FLI1: variants seen among roughly 807,000 people sequenced by gnomAD.
FLI1 encodes Friend leukemia integration 1 transcription factor.
FLI1 carries 13 observed loss-of-function variants against 53.1 expected under a neutral mutation model. That is an observed-to-expected ratio of 0.24 (90% CI 0.16 to 0.39). The LOEUF (loss-of-function observed/expected upper bound fraction) is 0.39. Ranked by LOEUF, FLI1 falls within the 10% of genes least tolerant of loss-of-function variation. The pLI, the probability that FLI1 is intolerant of heterozygous loss-of-function variation, is 1.00. For synonymous variants in FLI1, 244 were observed against 236.7 expected (o/e 1.03, Z -0.28); for missense variants, 424 against 600.5 (o/e 0.71, Z 3.07).
intron 2 of FLI1, among the ~76,000 whole-genome samples, chr11:128,763,393 G>A (rs1399654420): frequency 1.3e-5 from 2 of 152,230 alleles, no homozygotes; most frequent in African/African-American, 4.8e-5. Flanking sequence ...GTCGCATGTA[G>A]ACTTCAGCAA....
At chr11:128,781,412 C>G (rs1193030909) in intron 4 of FLI1, among the ~76,000 whole-genome samples, 1 of 152,188 alleles carries the variant, frequency 6.6e-6, no homozygotes, top group African/African-American at 2.4e-5. Context: ...CAAAAGTGGC[C>G]CATGGACAAA....
At chr11:128,700,656 T>C (rs1938288271) in intron 1 of FLI1, among the ~76,000 whole-genome samples, 2 of 152,158 alleles carry the variant, frequency 1.3e-5, no homozygotes, top group Non-Finnish European at 2.9e-5. Context: ...GGTGGATCAC[T>C]TGAGCCCAGG....
intron 4 of FLI1, among the ~76,000 whole-genome samples, chr11:128,774,773 C>G (rs1006212878): frequency 1.3e-5 from 2 of 152,146 alleles, no homozygotes; most frequent in East Asian, 1.9e-4. Flanking sequence ...CATATGACCC[C>G]GGGGCCCTAA....
intron 5 of FLI1, among the ~76,000 whole-genome samples, chr11:128,782,569 G>T (rs1217633818): frequency 1.3e-5 from 2 of 152,102 alleles, no homozygotes; most frequent in Non-Finnish European, 2.9e-5. Context: ...GTGGTGGCAG[G>T]TACCTGTAAT....
intron 2 of FLI1, among the ~76,000 whole-genome samples, chr11:128,766,937 T>C (rs1352903091): frequency 6.6e-6 from 1 of 152,126 alleles, no homozygotes; most frequent in Non-Finnish European, 1.5e-5. Context: ...CTCAGTATAA[T>C]GGCGGCTACA....
intron 1 of FLI1, among the ~76,000 whole-genome samples, chr11:128,707,707 G>A (rs1393470232): frequency 6.6e-6 from 1 of 152,182 alleles, no homozygotes; most frequent in Non-Finnish European, 1.5e-5. Context: ...CAGGGCAGTA[G>A]GACTGGGTTT....
At chr11:128,716,156 G>A (rs907471774) in intron 1 of FLI1, among the ~76,000 whole-genome samples, 2 of 152,230 alleles carry the variant, frequency 1.3e-5, no homozygotes, top group African/African-American at 4.8e-5. Context: ...TTCATACAAT[G>A]CAGCCCATTT....
intron 1 of FLI1, among the ~76,000 whole-genome samples, chr11:128,721,906 T>C (rs1939270438): frequency 6.6e-6 from 1 of 152,180 alleles, no homozygotes; most frequent in Non-Finnish European, 1.5e-5. Context: ...AGGGATCTGC[T>C]TCCCTCCTCT....
chr11:128,734,405 C>T (rs1006579120), intron 1 of FLI1, among the ~76,000 whole-genome samples: 5 of 152,192 alleles, frequency 3.3e-5, no homozygotes, highest in African/African-American at 1.2e-4. Context: ...AAAAGCATGT[C>T]TAAGGTTGGG....
chr11:128,708,554 C>T (rs931192420), intron 1 of FLI1, among the ~76,000 whole-genome samples: 12 of 152,156 alleles, frequency 7.9e-5, no homozygotes, highest in Non-Finnish European at 1.6e-4. Flanking sequence ...TGACATTGGA[C>T]AAGTTACTCT....
At chr11:128,760,093 A>G (rs1253991593) in intron 2 of FLI1, among the ~76,000 whole-genome samples, 3 of 152,172 alleles carry the variant, frequency 2.0e-5, no homozygotes, top group South Asian at 2.1e-4. Flanking sequence ...AGCCCCTCAG[A>G]TGAATCTCTC....
chr11:128,735,782 C>T (rs1939887353), intron 1 of FLI1, among the ~76,000 whole-genome samples: 1 of 152,180 alleles, frequency 6.6e-6, no homozygotes, highest in Non-Finnish European at 1.5e-5. Flanking sequence ...GATGCCAAGT[C>T]TCTTTGCAAA....
chr11:128,783,066 G>A (rs188622542), intron 5 of FLI1, among the ~76,000 whole-genome samples: 3 of 152,314 alleles, frequency 2.0e-5, no homozygotes, highest in East Asian at 1.9e-4. Flanking sequence ...TAATAAGAGT[G>A]TGGCAGGCAC....
At chr11:128,757,094 T>TTCTTTCTTTCTTTCTTTCTC (rs1940917653) in intron 1 of FLI1, among the ~76,000 whole-genome samples, 6 of 135,104 alleles carry the variant, frequency 4.4e-5, no homozygotes, top group Admixed American at 1.5e-4. Context: ...CTTTCTTTCT[T>TTCTTTCTTTCTTTCTTTCTC]TCTTTCTTTC....
chr11:128,690,520 C>T (rs1937697005), upstream of FLI1, among the ~76,000 whole-genome samples: 1 of 152,190 alleles, frequency 6.6e-6, no homozygotes, highest in Admixed American at 6.5e-5. Flanking sequence ...GTCAAAAGGG[C>T]TGACATTGAG....
intron 4 of FLI1, among the ~76,000 whole-genome samples, chr11:128,777,017 C>T (rs1203862539): frequency 6.6e-6 from 1 of 152,212 alleles, no homozygotes; most frequent in Non-Finnish European, 1.5e-5. Context: ...TAAGCCAAAC[C>T]TATCACCACG....
At chr11:128,796,920 AGCCGAGATTGC>A in intron 5 of FLI1, among the ~76,000 whole-genome samples, 1 of 152,378 alleles carries the variant, frequency 6.6e-6, no homozygotes, top group East Asian at 1.9e-4. Flanking sequence ...AGTTGCAGTG[AGCCGAGATTGC>A]GCCATTGCAC....
At chr11:128,694,308 G>A in intron 1 of FLI1, 32 bp downstream of exon 1, 2 of 1,328,842 alleles carry the variant, frequency 1.5e-6, no homozygotes, top group African/African-American at 1.5e-5. Context: ...GCGGGCGGCG[G>A]GGACCGGCCG....
intron 1 of FLI1, among the ~76,000 whole-genome samples, chr11:128,697,919 A>G (rs1938155918): frequency 6.6e-6 from 1 of 152,224 alleles, no homozygotes; most frequent in Non-Finnish European, 1.5e-5. Flanking sequence ...TATCTTCTGA[A>G]GAACAATAAC....
Sources: gnomAD v4.1 joint callset for allele counts (sites outside exome capture counted in the v4.1 genomes callset) on GRCh38, gnomAD v4.1.1 for gene constraint, MANE v1.5 for transcripts, NCBI Gene and HGNC (gene_info 2026-07-23, HGNC 2026-07-21) for gene names.